Variants in ERBB4 observed in about 807,000 individuals in gnomAD.
ERBB4 encodes receptor tyrosine-protein kinase erbB-4.
Under a neutral mutation model 158.0 loss-of-function variants are expected in ERBB4, and 42 were observed. That is an observed-to-expected ratio of 0.27 (90% CI 0.21 to 0.34). ERBB4 has a LOEUF of 0.34. Ranked by LOEUF, ERBB4 falls within the 10% of genes least tolerant of loss-of-function variation. ERBB4 has a pLI of 1.00. For missense variants in ERBB4, 1,333 were observed against 1,624.1 expected, an observed-to-expected ratio of 0.82 and a Z score of 3.08; for synonymous variants, 583 against 558.7, an observed-to-expected ratio of 1.04 and a Z score of -0.61.
At chr2:211,704,800 G>T (rs1462334885) in intron 10 of ERBB4, among the ~76,000 whole-genome samples, 1 of 152,150 alleles carries the variant, frequency 6.6e-6, no homozygotes, top group Non-Finnish European at 1.5e-5. Context: ...AACTTTCAAA[G>T]ATACTCATTT....
At chr2:212,021,629 A>C (rs2076651690) in intron 2 of ERBB4, among the ~76,000 whole-genome samples, 1 of 152,104 alleles carries the variant, frequency 6.6e-6, no homozygotes, top group Non-Finnish European at 1.5e-5. Flanking sequence ...CTAGAAGAAA[A>C]TCTGGGCAAT....
intron 20 of ERBB4, among the ~76,000 whole-genome samples, chr2:211,438,493 T>C (rs1171696570): frequency 1.3e-5 from 2 of 152,198 alleles, no homozygotes; most frequent in Non-Finnish European, 2.9e-5. Context: ...ATGGGGGTAA[T>C]AATAGTATCT....
chr2:211,434,435 G>A (rs916843946), intron 20 of ERBB4, among the ~76,000 whole-genome samples: 2 of 152,086 alleles, frequency 1.3e-5, no homozygotes, highest in African/African-American at 4.8e-5. Flanking sequence ...GGCATGTGAG[G>A]TTATAGGAGC....
intron 2 of ERBB4, among the ~76,000 whole-genome samples, chr2:211,978,498 T>A (rs1045587273): frequency 3.1e-4 from 47 of 152,056 alleles, no homozygotes; most frequent in African/African-American, 1.1e-3. Context: ...GGCTTGATCA[T>A]CACTCACTGT....
intron 25 of ERBB4, among the ~76,000 whole-genome samples, chr2:211,390,789 A>G (rs2062783569): frequency 6.6e-6 from 1 of 152,210 alleles, no homozygotes. Context: ...AAATAGCATC[A>G]CAGTAATAGG....
At chr2:211,724,712 C>A (rs912292939) in intron 6 of ERBB4, among the ~76,000 whole-genome samples, 4 of 151,844 alleles carry the variant, frequency 2.6e-5, no homozygotes, top group Non-Finnish European at 5.9e-5. Flanking sequence ...AATTTATATT[C>A]AAGAAATAAA....
chr2:212,084,562 CT>C (rs952698488), intron 2 of ERBB4, among the ~76,000 whole-genome samples: 7 of 151,950 alleles, frequency 4.6e-5, no homozygotes, highest in Non-Finnish European at 1.5e-5. Context: ...AGAACCAACT[CT>C]TGATTACCCA....
At chr2:211,968,068 T>C (rs1001749466) in intron 2 of ERBB4, among the ~76,000 whole-genome samples, 3 of 151,996 alleles carry the variant, frequency 2.0e-5, no homozygotes, top group Non-Finnish European at 2.9e-5. Context: ...ATGTAGAATA[T>C]TCATATTAAC....
intron 3 of ERBB4, among the ~76,000 whole-genome samples, chr2:211,791,943 A>G (rs1290776522): frequency 6.6e-6 from 1 of 151,728 alleles, no homozygotes; most frequent in South Asian, 2.1e-4. Context: ...AATATCTTGA[A>G]TTTAACTTAT....
At chr2:212,058,250 A>G (rs1438737683) in intron 2 of ERBB4, among the ~76,000 whole-genome samples, 2 of 152,214 alleles carry the variant, frequency 1.3e-5, no homozygotes, top group Non-Finnish European at 2.9e-5. Flanking sequence ...GAAGAAGTTG[A>G]ATCTCTGAAT....
At chr2:212,359,314 C>T (rs1283974887) in intron 1 of ERBB4, among the ~76,000 whole-genome samples, 1 of 151,278 alleles carries the variant, frequency 6.6e-6, no homozygotes, top group Non-Finnish European at 1.5e-5. Flanking sequence ...CAATCTATAT[C>T]GCTTTGATAG....
chr2:212,069,655 C>G (rs1294145617), intron 2 of ERBB4, among the ~76,000 whole-genome samples: 2 of 151,900 alleles, frequency 1.3e-5, no homozygotes, highest in African/African-American at 2.4e-5. Flanking sequence ...ATGAAATGAT[C>G]TTATATAAAC....
chr2:212,258,279 C>G (rs1173421226), intron 1 of ERBB4, among the ~76,000 whole-genome samples: 1 of 151,836 alleles, frequency 6.6e-6, no homozygotes, highest in Non-Finnish European at 1.5e-5. Flanking sequence ...TCATTAAAGA[C>G]TACTTTTTAG....
At chr2:211,529,533 C>G (rs149366650) in intron 20 of ERBB4, among the ~76,000 whole-genome samples, 2 of 152,100 alleles carry the variant, frequency 1.3e-5, no homozygotes, top group Non-Finnish European at 2.9e-5. Context: ...CAAAAGCAGA[C>G]AGACACATCG....
At position 211,665,463 on chromosome 2, in the gene ERBB4, A is replaced by G. The variant is rs1159597743; in HGVS notation, c.1731T>C (p.Cys577=). The G allele has an allele frequency of 1.9e-6, 3 of 1,614,020 alleles. No individual in the cohort carries two copies. Among genetic ancestry groups the G allele is most frequent in the African/African-American group, 2.7e-5 (2 of 74,916 alleles). ...LTCHGPGPDN[C]TKCSHFKDGP... ...CATCTTTAAAATGAGAGCACTTTGTACAGTTGTCAGGACCCTGAAATGTGA... is the reference window on the plus strand; with the variant it reads ...CATCTTTAAAATGAGAGCACTTTGTGCAGTTGTCAGGACCCTGAAATGTGA... The change falls in exon 15 of 28, where the codon TGT becomes TGC. Residue 577 remains cysteine, a synonymous_variant. Coordinates refer to ENST00000342788, the MANE Select transcript of ERBB4 (RefSeq NM_005235.3).
At chr2:211,978,314 A>G (rs540764076) in intron 2 of ERBB4, among the ~76,000 whole-genome samples, 6 of 152,158 alleles carry the variant, frequency 3.9e-5, no homozygotes, top group Admixed American at 3.9e-4. Context: ...AAACACAGAC[A>G]ACTCCAAGGA....
intron 17 of ERBB4, among the ~76,000 whole-genome samples, chr2:211,626,949 AAAAAAAT>A (rs1446732507): frequency 3.1e-5 from 1 of 32,732 alleles, no homozygotes; most frequent in Admixed American, 4.3e-4. Context: ...AAAATAAATA[AAAAAAAT>A]AAAAAAAAAA....
intron 1 of ERBB4, among the ~76,000 whole-genome samples, chr2:212,209,889 C>T (rs2082878168): frequency 6.6e-6 from 1 of 152,040 alleles, no homozygotes; most frequent in Non-Finnish European, 1.5e-5. Flanking sequence ...AGAAAAGACA[C>T]CCTTTCCTCA....
intron 3 of ERBB4, among the ~76,000 whole-genome samples, chr2:211,939,966 A>AAT (rs66854420): frequency 1.9e-3 from 259 of 137,434 alleles, no homozygotes; most frequent in Non-Finnish European, 1.5e-3. Flanking sequence ...GGAAAAAAAA[A>AAT]ATATATATAT....
Sources: allele counts gnomAD v4.1 joint callset (sites outside exome capture counted in the v4.1 genomes callset), GRCh38; gene constraint gnomAD v4.1.1; transcripts MANE v1.5; gene names NCBI Gene and HGNC (gene_info 2026-07-23, HGNC 2026-07-21).